Variants in CLDN10 observed in about 807,000 individuals in gnomAD.
The protein encoded by CLDN10 is claudin-10.
Under a neutral mutation model 22.9 loss-of-function variants are expected in CLDN10, and 15 were observed. The ratio of observed to expected loss-of-function variants is 0.65; its 90% CI spans 0.44 to 1.01. The LOEUF (loss-of-function observed/expected upper bound fraction) is 1.01, where lower values mean the gene tolerates loss of function less well. CLDN10 is among the 50% of genes least tolerant of loss of function. The pLI is 0.00. For synonymous variants in CLDN10, 114 were observed against 111.4 expected, an observed-to-expected ratio of 1.02 and a Z score of -0.15; for missense variants, 247 against 287.8, an observed-to-expected ratio of 0.86 and a Z score of 1.03.
At chr13:95,548,249 G>A (rs767134724), upstream of CLDN10, among the ~76,000 whole-genome samples, 1 of 152,160 alleles carries the variant, frequency 6.6e-6, no homozygotes, top group Non-Finnish European at 1.5e-5. Flanking sequence ...AGGCTCGAAG[G>A]GTATTCCTGC....
chr13:95,433,905 G>A lies in CLDN10; in HGVS notation c.72G>A (p.Thr24=), dbSNP rs555298278. 144 of 1,614,186 alleles carry A rather than the reference G, an allele frequency of 8.9e-5. 1 individual carries two copies. In the South Asian group the frequency reaches 1.4e-3, roughly 16 times the overall value. ...TTGGAGCTCTCGTTGCTGCTACCACGTCCAATGAGTGGAAAGTGACCACGC... is the reference window on the plus strand; with the variant it reads ...TTGGAGCTCTCGTTGCTGCTACCACATCCAATGAGTGGAAAGTGACCACGC... The change falls in exon 1 of 5, where the codon ACG becomes ACA. Residue 24 remains threonine, a synonymous_variant. Coordinates refer to the CLDN10 transcript ENST00000376873.
rs140143400 is a variant in CLDN10, at chr13:95,486,813, C to G, written c.214+52766C>G. On this transcript the variant is annotated intron_variant, in intron 1 of 4. Coordinates refer to the CLDN10 transcript ENST00000376873. Reference sequence around the variant, plus strand: ...CCTCCACCTGGCCACGTTGTGAGCTCTTTGGGGAGGCAGAACTACACTCTC... The same window carrying G: ...CCTCCACCTGGCCACGTTGTGAGCTGTTTGGGGAGGCAGAACTACACTCTC... 6.6e-5 allele frequency among the ~76,000 whole-genome samples: 10 copies of G among 152,306 alleles called. 1 individual carries two copies. The East Asian group carries it at 1.9e-3, about 29-fold the overall frequency.
chr13:95,515,941 G>A (rs1377765295), intron 1 of CLDN10, among the ~76,000 whole-genome samples: 1 of 152,096 alleles, frequency 6.6e-6, no homozygotes, highest in African/African-American at 2.4e-5. Flanking sequence ...GGGCGTGATG[G>A]AGCATGCCTG....
intron 1 of CLDN10, among the ~76,000 whole-genome samples, chr13:95,502,784 G>T (rs1377748651): frequency 6.6e-6 from 1 of 152,166 alleles, no homozygotes; most frequent in Non-Finnish European, 1.5e-5. Context: ...GCCTCCCAAA[G>T]TGCTGGGACT....
At chr13:95,518,050 T>G (rs1173898638) in intron 1 of CLDN10, among the ~76,000 whole-genome samples, 1 of 152,190 alleles carries the variant, frequency 6.6e-6, no homozygotes, top group African/African-American at 2.4e-5. Context: ...GTTCAAATTC[T>G]TTTTCTTCCA....
At chr13:95,434,154 C>A in intron 1 of CLDN10, 1 of 973,332 alleles carries the variant, frequency 1.0e-6, no homozygotes, top group Non-Finnish European at 1.6e-6. Flanking sequence ...AGACTGAGTG[C>A]TTAATCAAAG....
intron 1 of CLDN10, among the ~76,000 whole-genome samples, chr13:95,435,923 T>G (rs2042265145): frequency 6.6e-6 from 1 of 151,838 alleles, no homozygotes; most frequent in African/African-American, 2.4e-5. Flanking sequence ...CTCAAAATGC[T>G]GAGATTATAG....
chr13:95,555,212 G>A (rs771964069), intron 1 of CLDN10, among the ~76,000 whole-genome samples: 16 of 152,150 alleles, frequency 1.1e-4, no homozygotes, highest in Admixed American at 1.3e-4. Flanking sequence ...CACCATGCCC[G>A]GCTAATTTTT....
At chr13:95,477,610 CA>C (rs1454418447) in intron 1 of CLDN10, among the ~76,000 whole-genome samples, 2 of 150,530 alleles carry the variant, frequency 1.3e-5, no homozygotes, top group Non-Finnish European at 3.0e-5. Context: ...AATACAGAAG[CA>C]GAAAAGGAAT....
rs1261159661 is a variant in CLDN10 at position 95,566,565 on chromosome 13, G to T, written c.464+6102G>T. On this transcript the variant is annotated intron_variant, in intron 3 of 4. Coordinates refer to ENST00000299339, the MANE Select transcript of CLDN10 (RefSeq NM_006984.5). ...GATTGCAAAAATTTTCTCCCATTCT[G>T]TAGGTTGCTTGTTCACTCTGATGGC... is the stretch of plus-strand genomic sequence containing the variant. Among the ~76,000 whole-genome samples the T allele has an allele frequency of 3.3e-5, 5 of 152,174 alleles. No individual in the cohort carries two copies. In the East Asian group the frequency reaches 7.7e-4, roughly 23 times the overall value.
chr13:95,495,510 C>T (rs955035539), intron 1 of CLDN10, among the ~76,000 whole-genome samples: 2 of 151,118 alleles, frequency 1.3e-5, no homozygotes, highest in African/African-American at 2.4e-5. Flanking sequence ...TTTGGGAGGC[C>T]GAGGTGGGTG....
At chr13:95,528,712 T>C (rs573990261) in intron 1 of CLDN10, 4 of 152,308 alleles carry the variant, frequency 2.6e-5, no homozygotes, top group African/African-American at 7.2e-5. Context: ...AGGGAGAATG[T>C]CATGTGTGGA....
At chr13:95,492,552 G>A (rs1196179718) in intron 1 of CLDN10, among the ~76,000 whole-genome samples, 1 of 152,158 alleles carries the variant, frequency 6.6e-6, no homozygotes, top group Non-Finnish European at 1.5e-5. Context: ...TCCTGGTGGA[G>A]GGTGAGATGG....
chr13:95,522,111 C>G (rs114284269), intron 1 of CLDN10, among the ~76,000 whole-genome samples: 1 of 151,970 alleles, frequency 6.6e-6, no homozygotes, highest in African/African-American at 2.4e-5. Flanking sequence ...AAAGAAACAA[C>G]TTTTAGCTTT....
At chr13:95,483,391 T>C (rs2042770785) in intron 1 of CLDN10, among the ~76,000 whole-genome samples, 1 of 152,284 alleles carries the variant, frequency 6.6e-6, no homozygotes, top group Admixed American at 6.5e-5. Context: ...AAATTTTTTG[T>C]AGAGACATGG....
chr13:95,505,188 T>G (rs1410503135), intron 1 of CLDN10, among the ~76,000 whole-genome samples: 1 of 152,236 alleles, frequency 6.6e-6, no homozygotes, highest in Non-Finnish European at 1.5e-5. Context: ...ATGTTGAGAC[T>G]GCAAGTCCAT....
intron 1 of CLDN10, among the ~76,000 whole-genome samples, chr13:95,453,096 T>C (rs1346051850): frequency 2.6e-5 from 4 of 152,212 alleles, no homozygotes; most frequent in African/African-American, 9.7e-5. Context: ...GTTTTTAAGT[T>C]TTATTTTTGT....
intron 1 of CLDN10, among the ~76,000 whole-genome samples, chr13:95,553,526 G>T (rs2043594968): frequency 6.6e-6 from 1 of 151,916 alleles, no homozygotes. Context: ...TGCAGAATTT[G>T]TTGTTGTTAT....
upstream of CLDN10, among the ~76,000 whole-genome samples, chr13:95,550,390 G>T (rs995423401): frequency 2.0e-5 from 3 of 152,166 alleles, no homozygotes; most frequent in Non-Finnish European, 4.4e-5. Flanking sequence ...GAGTCTTAAA[G>T]GTCACAGCAC....
Sources: allele counts gnomAD v4.1 joint callset (sites outside exome capture counted in the v4.1 genomes callset), GRCh38; gene constraint gnomAD v4.1.1; transcripts MANE v1.5; gene names NCBI Gene and HGNC (gene_info 2026-07-23, HGNC 2026-07-21).